MAGI2: variants seen among roughly 807,000 people sequenced by gnomAD.
MAGI2 encodes membrane-associated guanylate kinase, WW and PDZ domain-containing protein 2.
Under a neutral mutation model 133.3 loss-of-function variants are expected in MAGI2, and 35 were observed. That is an observed-to-expected ratio of 0.26 (90% CI 0.20 to 0.35). MAGI2 has a LOEUF of 0.35. Ranked by LOEUF, MAGI2 falls within the 10% of genes least tolerant of loss-of-function variation. MAGI2 has a pLI of 1.00. For synonymous variants in MAGI2, 729 were observed against 710.6 expected, an observed-to-expected ratio of 1.03 and a Z score of -0.41; for missense variants, 1,636 against 1,863.4, an observed-to-expected ratio of 0.88 and a Z score of 2.25.
At chr7:78,938,740 A>G (rs1800735520) in intron 2 of MAGI2, among the ~76,000 whole-genome samples, 1 of 152,146 alleles carries the variant, frequency 6.6e-6, no homozygotes. Flanking sequence ...TAAGACATAT[A>G]ATTTAGGCTA....
intron 1 of MAGI2, among the ~76,000 whole-genome samples, chr7:79,367,946 A>G (rs1424233789): frequency 6.8e-6 from 1 of 148,002 alleles, no homozygotes; most frequent in African/African-American, 2.5e-5. Flanking sequence ...TAGAGCCCCA[A>G]AGCCACAAGG....
At chr7:79,121,841 T>G (rs1258590244) in intron 1 of MAGI2, among the ~76,000 whole-genome samples, 1 of 152,184 alleles carries the variant, frequency 6.6e-6, no homozygotes, top group East Asian at 1.9e-4. Context: ...TTAATCCTAC[T>G]GAAAGAAAAT....
intron 2 of MAGI2, among the ~76,000 whole-genome samples, chr7:78,754,539 A>G (rs1320686871): frequency 6.6e-6 from 1 of 152,196 alleles, no homozygotes; most frequent in Admixed American, 6.5e-5. Context: ...TGCAGAGTAT[A>G]GCCTGTACAC....
At chr7:78,087,304 T>A (rs3807746) in intron 20 of MAGI2, among the ~76,000 whole-genome samples, 23,649 of 152,146 alleles carry the variant, frequency 0.16, 2,504 homozygotes, top group East Asian at 0.44. Context: ...CTCCTTAGAG[T>A]TTAAACCAAA....
At chr7:78,642,015 T>C (rs1313545642) in intron 2 of MAGI2, among the ~76,000 whole-genome samples, 5 of 152,152 alleles carry the variant, frequency 3.3e-5, no homozygotes, top group Non-Finnish European at 5.9e-5. Context: ...AGGGTATAAT[T>C]ATATAAGCAA....
At chr7:79,087,396 G>C (rs1816611668) in intron 1 of MAGI2, among the ~76,000 whole-genome samples, 1 of 151,870 alleles carries the variant, frequency 6.6e-6, no homozygotes. Context: ...CATTCCTGTA[G>C]TCACCATTCA....
intron 6 of MAGI2, among the ~76,000 whole-genome samples, chr7:78,438,075 A>G (rs752238900): frequency 1.6e-4 from 24 of 152,156 alleles, no homozygotes; most frequent in Non-Finnish European, 3.2e-4. Flanking sequence ...GTGGCAGTGT[A>G]CACATGGTGC....
At chr7:79,024,537 A>C (rs1024631536) in intron 1 of MAGI2, among the ~76,000 whole-genome samples, 17 of 151,934 alleles carry the variant, frequency 1.1e-4, no homozygotes, top group African/African-American at 3.6e-4. Flanking sequence ...AAAACAAAAC[A>C]AAACAAAAAA....
At chr7:79,010,108 CATAT>C (rs1807899805) in intron 1 of MAGI2, among the ~76,000 whole-genome samples, 1 of 151,752 alleles carries the variant, frequency 6.6e-6, no homozygotes, top group African/African-American at 2.4e-5. Context: ...TATATATACA[CATAT>C]ATACACATAT....
chr7:78,270,979 G>A (rs1031365710), intron 9 of MAGI2, among the ~76,000 whole-genome samples: 3 of 151,928 alleles, frequency 2.0e-5, no homozygotes, highest in Non-Finnish European at 4.4e-5. Flanking sequence ...TGATTGCCCT[G>A]GCCAGAACTT....
Position 78,564,495 on chromosome 7 carries a change from G to A in MAGI2, c.539-42850C>T, listed in dbSNP as rs2150747495. ...AGTTTCAGGTTAGCAAAGAAAGTTA[G>A]ATAATTTTTGAAGTTATTTGCAAGT... On this transcript the variant is annotated intron_variant, in intron 3 of 21. Transcript: ENST00000354212. Among the ~76,000 whole-genome samples the A allele has an allele frequency of 2.0e-5, 3 of 152,238 alleles. 1 individual carries two copies. The highest frequency in any genetic ancestry group is 6.8e-3 in the Middle Eastern group (2 of 294).
chr7:78,979,865 T>C (rs963524338), intron 2 of MAGI2, among the ~76,000 whole-genome samples: 1 of 151,952 alleles, frequency 6.6e-6, no homozygotes, highest in African/African-American at 2.4e-5. Context: ...TGTAATATCT[T>C]TGCAATCTTT....
chr7:78,613,000 A>G (rs755076407), intron 3 of MAGI2, among the ~76,000 whole-genome samples: 5 of 152,180 alleles, frequency 3.3e-5, no homozygotes, highest in Non-Finnish European at 5.9e-5. Context: ...TACAAGGGAC[A>G]TAATTTATTA....
At chr7:78,164,609 G>A (rs746884065) in intron 15 of MAGI2, among the ~76,000 whole-genome samples, 22 of 152,240 alleles carry the variant, frequency 1.4e-4, no homozygotes, top group South Asian at 4.1e-4. Context: ...ATCAGGGAAC[G>A]TACTGGCACC....
At chr7:78,229,568 G>A (rs1198755216) in intron 10 of MAGI2, among the ~76,000 whole-genome samples, 1 of 152,220 alleles carries the variant, frequency 6.6e-6, no homozygotes, top group East Asian at 1.9e-4. Context: ...CACTGTGCTA[G>A]GTCAGGAGGA....
chr7:79,203,126 C>A (rs1828755865), intron 1 of MAGI2, among the ~76,000 whole-genome samples: 1 of 152,002 alleles, frequency 6.6e-6, no homozygotes, highest in Non-Finnish European at 1.5e-5. Flanking sequence ...CGAAAATTAA[C>A]ACATCTAACT....
At chr7:78,340,508 G>T (rs534565101) in intron 9 of MAGI2, among the ~76,000 whole-genome samples, 23 of 152,196 alleles carry the variant, frequency 1.5e-4, no homozygotes, top group Non-Finnish European at 2.8e-4. Flanking sequence ...AACAAAAAAA[G>T]AAAATTTCAG....
rs191745501 is a variant in MAGI2 at position 79,121,437 on chromosome 7, T to A, written c.302-114231A>T. Among the ~76,000 whole-genome samples, 153 of 151,838 alleles carry A rather than the reference T, an allele frequency of 1.0e-3. 2 individuals are homozygous for A. Among genetic ancestry groups the A allele is most frequent in the Admixed American group, 2.4e-3 (37 of 15,232 alleles). On this transcript the variant is annotated intron_variant, in intron 1 of 21. Coordinates refer to ENST00000354212, the MANE Select transcript of MAGI2 (RefSeq NM_012301.4). ...TGTTTCTTTTTTCTAAAAAAAAAAA[T>A]TTTTACTTAATTCTTTGGAGACATT...
rs141820367 is a variant in MAGI2 at position 79,392,668 on chromosome 7, T to C, written c.301+60352A>G. Reference sequence around the variant, plus strand: ...AGCATAAATGTCTTCTTTTGAGAAGTGTCTGTTCATAACCTTTGCCCACTT... The same window carrying C: ...AGCATAAATGTCTTCTTTTGAGAAGCGTCTGTTCATAACCTTTGCCCACTT... On this transcript the variant is annotated intron_variant, in intron 1 of 21. Coordinates refer to ENST00000354212, the MANE Select transcript of MAGI2 (RefSeq NM_012301.4). Among the ~76,000 whole-genome samples, 1,318 of 152,316 alleles carry C rather than the reference T, an allele frequency of 8.7e-3. 57 individuals carry two copies. The highest frequency in any genetic ancestry group is 0.063 in the East Asian group (323 of 5,164).
Sources: allele counts gnomAD v4.1 joint callset (sites outside exome capture counted in the v4.1 genomes callset), GRCh38; gene constraint gnomAD v4.1.1; transcripts MANE v1.5; gene names NCBI Gene and HGNC (gene_info 2026-07-23, HGNC 2026-07-21).